Variants in FRMD1 observed in about 807,000 individuals in gnomAD.
The protein encoded by FRMD1 is FERM domain-containing protein 1.
Under a neutral mutation model 54.9 loss-of-function variants are expected in FRMD1, and 51 were observed. That is an observed-to-expected ratio of 0.93 (90% CI 0.74 to 1.17). The LOEUF (loss-of-function observed/expected upper bound fraction) is 1.17. Ranked by LOEUF, FRMD1 falls within the 50% of genes most tolerant of loss-of-function variation. The pLI is 0.00. For missense variants in FRMD1, 729 were observed against 743.0 expected (o/e 0.98, Z 0.22); for synonymous variants, 324 against 306.4 (o/e 1.06, Z -0.60).
chr6:168,062,845 G>A, intron 7 of FRMD1, 49 bp downstream of exon 7: 2 of 1,602,294 alleles, frequency 1.2e-6, no homozygotes, highest in Non-Finnish European at 1.7e-6. Context: ...GGGAGGAGGG[G>A]GTGGGGGCAG....
Position 168,057,096 on chromosome 6 carries a change from C to G in FRMD1, c.*1G>C. 6.8e-7 allele frequency: 1 copy of G among 1,473,106 alleles called. No homozygotes were observed. The highest frequency in any genetic ancestry group is 1.4e-5 in the South Asian group (1 of 70,364). 91.3% of individuals were successfully genotyped at this position (1,473,106 alleles called of 1,614,324 possible). A position where few individuals can be genotyped will look rare whatever the true frequency, so the allele number is the denominator to read the frequency against. On this transcript the variant is annotated 3_prime_UTR_variant, in exon 11 of 11. Transcript: ENST00000283309. ...GGACGGTACTGCTGGGTGGGTGGTGCCTACACCACAAACTCCTGTGGTGGA... is the reference window on the plus strand; with the variant it reads ...GGACGGTACTGCTGGGTGGGTGGTGGCTACACCACAAACTCCTGTGGTGGA...
chr6:168,061,052 G>A lies in FRMD1; in HGVS notation c.1051C>T (p.Gln351Ter). ...CTGATATAGGACTCCCGGTAGTGCT[G>A]CTTCTCTGTGGGGAGTGGGGAGCAC... is the stretch of plus-strand genomic sequence containing the variant. ...LRQREEAEEK[Q>*]HYRESYISDE... is the part of the protein sequence containing the mutation. Residue 351 changes from glutamine to a stop codon, truncating the protein, a stop_gained, in exon 9 of 11, where the codon CAG (glutamine) becomes TAG (stop). Transcript: ENST00000283309. LOFTEE classifies it high-confidence loss of function. 6.2e-7 allele frequency: 1 copy of A among 1,607,158 alleles called. No homozygotes were observed. The highest frequency in any genetic ancestry group is 1.1e-5 in the South Asian group (1 of 90,952).
rs775433978 is a variant in FRMD1 at position 168,078,949 on chromosome 6, A to T, written c.146T>A (p.Met49Lys). 5.0e-6 allele frequency: 8 copies of T among 1,610,398 alleles called. No individual in the cohort carries two copies. The African/African-American group carries it at 1.1e-4, about 22-fold the overall frequency. The change falls in exon 1 of 11, where the codon ATG becomes AAG. Residue 49 changes from methionine (M) to lysine (K), a missense_variant. Coordinates refer to ENST00000283309, the MANE Select transcript of FRMD1 (RefSeq NM_024919.6). ...QQEPTLGMDA[M>K]ASEHRDVLVL... is the part of the protein sequence containing the mutation. ...GAGGACATCCCTGTGTTCCGAGGCC[A>T]TCGCGTCCATTCCCAGGGTCGGCTC...
chr6:168,086,270 C>CCGCGTCCCCAGCATGGACACT (rs1431576371), upstream of FRMD1, among the ~76,000 whole-genome samples: 681 of 147,222 alleles, frequency 4.6e-3, 7 homozygotes, highest in African/African-American at 0.017. Flanking sequence ...GCATGGACAC[C>CCGCGTCCCCAGCATGGACACT]CGCGTCCCCA....
upstream of FRMD1, among the ~76,000 whole-genome samples, chr6:168,080,179 G>A (rs1034740785): frequency 6.6e-5 from 10 of 151,934 alleles, no homozygotes; most frequent in Admixed American, 2.0e-4. Context: ...TAGGAAATTC[G>A]CACTCCAGCC....
chr6:168,066,733 C>G, intron 4 of FRMD1, 22 bp downstream of exon 4: 1 of 1,605,094 alleles, frequency 6.2e-7, no homozygotes, highest in South Asian at 1.1e-5. Context: ...GGAAACACCC[C>G]TTACAGTCCG....
chr6:168,062,300 T>C (rs1799787225), intron 7 of FRMD1, among the ~76,000 whole-genome samples: 1 of 152,176 alleles, frequency 6.6e-6, no homozygotes, highest in Admixed American at 6.5e-5. Context: ...GTCACTGCCC[T>C]TTTATCCCCG....
At position 168,060,843 on chromosome 6, in the gene FRMD1, C is replaced by T. The variant is rs1353419197; in HGVS notation, c.1260G>A (p.Glu420=). ...SREMSVDVPL[E]VHGLHEKEPS... Reference sequence around the variant, plus strand: ...GCTCCTTCTCATGGAGCCCGTGGACCTCCAAGGGCACGTCCACAGACATCT... The same window carrying T: ...GCTCCTTCTCATGGAGCCCGTGGACTTCCAAGGGCACGTCCACAGACATCT... The change falls in exon 9 of 11, where the codon GAG becomes GAA. Residue 420 remains glutamate (E), a synonymous_variant. Transcript: ENST00000283309. The T allele has an allele frequency of 1.2e-6, 2 of 1,613,572 alleles. No homozygotes were observed. The highest frequency in any genetic ancestry group is 1.7e-6 in the Non-Finnish European group (2 of 1,180,022).
In FRMD1 at chr6:168,061,030, A is replaced by G. The variant is rs1484997874; in HGVS notation, c.1073T>C (p.Ile358Thr). The change falls in exon 9 of 11, where the codon ATC becomes ACC. Residue 358 changes from isoleucine to threonine, a missense_variant. Ile to Thr is a moderately conservative substitution (Grantham distance 89). Transcript: ENST00000283309. ...CAGGTCCAGCTCCAGCTCATCGCTGATATAGGACTCCCGGTAGTGCTGCTT... is the reference window on the plus strand; with the variant it reads ...CAGGTCCAGCTCCAGCTCATCGCTGGTATAGGACTCCCGGTAGTGCTGCTT... ...EEKQHYRESY[I>T]SDELELDLAS... 1 of 1,611,878 alleles carries G rather than the reference A, an allele frequency of 6.2e-7. No homozygotes were observed. The highest frequency in any genetic ancestry group is 1.1e-5 in the South Asian group (1 of 91,050).
chr6:168,072,355 C>T (rs951138771), intron 2 of FRMD1, among the ~76,000 whole-genome samples: 4 of 152,240 alleles, frequency 2.6e-5, no homozygotes, highest in Admixed American at 6.5e-5. Flanking sequence ...GCCTGAACTC[C>T]GGATAGGGCT....
chr6:168,072,078 G>T (rs1800335831), intron 2 of FRMD1, among the ~76,000 whole-genome samples: 1 of 152,252 alleles, frequency 6.6e-6, no homozygotes, highest in Admixed American at 6.5e-5. Flanking sequence ...AGCCGGGGCT[G>T]CCGACTTCAT....
chr6:168,079,404 G>T (rs1037116989), upstream of FRMD1, among the ~76,000 whole-genome samples: 4 of 152,184 alleles, frequency 2.6e-5, no homozygotes, highest in Non-Finnish European at 4.4e-5. Flanking sequence ...AACCAGGCTG[G>T]GGGAGACAGG....
intron 1 of FRMD1, among the ~76,000 whole-genome samples, chr6:168,078,120 C>T (rs1364866022): frequency 1.3e-5 from 2 of 152,162 alleles, no homozygotes; most frequent in Non-Finnish European, 2.9e-5. Context: ...AAACCACTCT[C>T]ATTTTAATTG....
intron 2 of FRMD1, among the ~76,000 whole-genome samples, chr6:168,072,704 C>T (rs1362227190): frequency 2.0e-5 from 3 of 152,004 alleles, no homozygotes; most frequent in Middle Eastern, 3.2e-3. Context: ...ACCCCGCCCT[C>T]GATTTGTTTT....
intron 3 of FRMD1, 52 bp from the exon 4 acceptor site, chr6:168,066,883 G>T: frequency 6.3e-7 from 1 of 1,599,154 alleles, no homozygotes; most frequent in Non-Finnish European, 8.5e-7. Context: ...AGGTGCCGCT[G>T]GCTGTCCTGT....
chr6:168,072,407 A>AC (rs1800353331), intron 2 of FRMD1, among the ~76,000 whole-genome samples: 2 of 152,074 alleles, frequency 1.3e-5, no homozygotes, highest in African/African-American at 4.8e-5. Flanking sequence ...CTTGCGAACC[A>AC]CGTCTCCCAG....
At chr6:168,063,223 C>A (rs1799845657) in intron 6 of FRMD1, among the ~76,000 whole-genome samples, 1 of 152,190 alleles carries the variant, frequency 6.6e-6, no homozygotes, top group Non-Finnish European at 1.5e-5. Flanking sequence ...GTCCTGGTCC[C>A]ACTCAGCCAC....
chr6:168,061,954 C>A lies in FRMD1; in HGVS notation c.898G>T (p.Gly300Trp), dbSNP rs1284867605. ...ACCAGCTTCTGTGCTGCGGGCAGCC[C>A]ATCCAGCTGGATCTCCAGCTTCTTT... ...QGKKLEIQLD[G>W]LPAAQKLVYY... is the part of the protein sequence containing the mutation. The change falls in exon 8 of 11, where the codon GGG becomes TGG. Residue 300 changes from glycine (G) to tryptophan (W), a missense_variant. Physicochemically the swap from Gly to Trp is radical, Grantham distance 184. Transcript: ENST00000283309. 6 of 1,598,110 alleles carry A rather than the reference C, an allele frequency of 3.8e-6. No individual in the cohort carries two copies. In the African/African-American group the frequency reaches 6.7e-5, roughly 18 times the overall value.
intron 3 of FRMD1, 133 bp downstream of exon 3, chr6:168,067,234 C>A: frequency 1.5e-6 from 1 of 671,710 alleles, no homozygotes; most frequent in Non-Finnish European, 2.7e-6. Flanking sequence ...GCCCTGCTCT[C>A]TCCCAACCCA....
Sources: allele counts gnomAD v4.1 joint callset (sites outside exome capture counted in the v4.1 genomes callset), GRCh38; gene constraint gnomAD v4.1.1; transcripts MANE v1.5; gene names NCBI Gene and HGNC (gene_info 2026-07-23, HGNC 2026-07-21).